PRDM16: variants seen among roughly 807,000 people sequenced by gnomAD.
The protein encoded by PRDM16 is PR/SET domain 16.
PRDM16 carries 23 observed loss-of-function variants against 110.6 expected under a neutral mutation model. The ratio of observed to expected loss-of-function variants is 0.21; its 90% CI spans 0.15 to 0.29. The LOEUF is 0.29. PRDM16 is among the 10% of genes least tolerant of loss of function. The probability of loss-of-function intolerance (pLI) is 1.00; values close to 1 mark genes in which losing one functional copy is unlikely to be tolerated. For missense variants in PRDM16, 1,615 were observed against 1,794.3 expected (o/e 0.90, Z 1.81); for synonymous variants, 799 against 781.8 (o/e 1.02, Z -0.37).
chr1:3,151,172 T>G (rs916803331), intron 1 of PRDM16, among the ~76,000 whole-genome samples: 6 of 152,234 alleles, frequency 3.9e-5, no homozygotes, highest in African/African-American at 1.2e-4. Flanking sequence ...TACAACAAAT[T>G]GAGTCAGTGT....
At chr1:3,301,422 C>T (rs989991863) in intron 3 of PRDM16, among the ~76,000 whole-genome samples, 1 of 151,258 alleles carries the variant, frequency 6.6e-6, no homozygotes, top group Non-Finnish European at 1.5e-5. Context: ...CCAATAAATG[C>T]ATTTGTAGTT....
At chr1:3,220,382 T>C (rs1010718453) in intron 2 of PRDM16, among the ~76,000 whole-genome samples, 2 of 152,162 alleles carry the variant, frequency 1.3e-5, no homozygotes, top group Admixed American at 1.3e-4. Context: ...AGGAGCTACC[T>C]GCAGCCCTCC....
chr1:3,195,248 T>C (rs996418401), intron 2 of PRDM16, among the ~76,000 whole-genome samples: 1 of 152,194 alleles, frequency 6.6e-6, no homozygotes, highest in Non-Finnish European at 1.5e-5. Context: ...CAGCACAGGC[T>C]TCCCATGTCC....
chr1:3,181,873 C>T (rs1464462341), intron 1 of PRDM16, among the ~76,000 whole-genome samples: 1 of 99,326 alleles, frequency 1.0e-5, no homozygotes, highest in African/African-American at 3.4e-5. Context: ...GTCTTACACA[C>T]GGTCTTGCAC....
At chr1:3,409,739 TGTGTGTGTGGTGTGGGTGTGA>T (rs1356437902) in intron 8 of PRDM16, among the ~76,000 whole-genome samples, 6 of 128,440 alleles carry the variant, frequency 4.7e-5, no homozygotes, top group Admixed American at 3.1e-4. Context: ...GTAGTGTGGG[TGTGTGTGTGGTGTGGGTGTGA>T]GTGTGTGTGG....
chr1:3,362,814 C>G (rs566663317), intron 3 of PRDM16, among the ~76,000 whole-genome samples: 1 of 152,320 alleles, frequency 6.6e-6, no homozygotes, highest in Non-Finnish European at 1.5e-5. Flanking sequence ...TGACCTGCTC[C>G]AGGGAGCGTC....
intron 3 of PRDM16, among the ~76,000 whole-genome samples, chr1:3,381,876 G>A (rs542769887): frequency 3.3e-5 from 5 of 152,346 alleles, no homozygotes; most frequent in African/African-American, 1.2e-4. Flanking sequence ...AGGGGAGACA[G>A]AGAGGAAGAA....
At position 3,389,919 on chromosome 1, in the gene PRDM16, G is replaced by A. The variant is rs189913824; in HGVS notation, c.573+4633G>A. Among the ~76,000 whole-genome samples the A allele has an allele frequency of 3.8e-3, 574 of 151,330 alleles. 3 individuals carry two copies. The highest frequency in any genetic ancestry group is 0.012 in the African/African-American group (477 of 41,336). Reference sequence around the variant, plus strand: ...GAGCGGAAGGCACAGAGGGGCCCTCGGGAATCTCCATGCACTTTTCTGGGG... The same window carrying A: ...GAGCGGAAGGCACAGAGGGGCCCTCAGGAATCTCCATGCACTTTTCTGGGG... On this transcript the variant is annotated intron_variant, in intron 4 of 16. Coordinates refer to ENST00000270722, the MANE Select transcript of PRDM16 (RefSeq NM_022114.4).
In PRDM16 at chr1:3,330,429, C is replaced by T. The variant is rs569700951; in HGVS notation, c.439-54723C>T. Among the ~76,000 whole-genome samples the T allele has an allele frequency of 3.3e-5, 5 of 152,354 alleles. No homozygotes were observed. The East Asian group carries it at 9.6e-4, about 29-fold the overall frequency. ...TAAGAATGCAGGGACAAAATAATGC[C>T]AATGACAGTGGCCCTGAACAGAGAG... On this transcript the variant is annotated intron_variant, in intron 3 of 16. Transcript: ENST00000270722.
chr1:3,285,518 A>C (rs1449566300), intron 3 of PRDM16, among the ~76,000 whole-genome samples: 2 of 152,118 alleles, frequency 1.3e-5, no homozygotes, highest in Admixed American at 6.5e-5. Flanking sequence ...GGGAGCAGGC[A>C]TGCTCCCAGG....
intron 1 of PRDM16, among the ~76,000 whole-genome samples, chr1:3,141,735 T>G (rs1159977379): frequency 6.6e-6 from 1 of 152,216 alleles, no homozygotes; most frequent in Non-Finnish European, 1.5e-5. Flanking sequence ...GTCTTGATAT[T>G]TGAAGCAGAG....
At chr1:3,132,218 G>A (rs190682699) in intron 1 of PRDM16, among the ~76,000 whole-genome samples, 50 of 152,282 alleles carry the variant, frequency 3.3e-4, no homozygotes, top group African/African-American at 1.2e-3. Flanking sequence ...GCGGTGCCAC[G>A]GAGAGGAAAA....
At chr1:3,240,627 G>C (rs1396422405) in intron 2 of PRDM16, among the ~76,000 whole-genome samples, 1 of 152,150 alleles carries the variant, frequency 6.6e-6, no homozygotes, top group African/African-American at 2.4e-5. Flanking sequence ...TCCTTAGTTA[G>C]GTTCTCAGAT....
chr1:3,297,756 A>G (rs988395398), intron 3 of PRDM16, among the ~76,000 whole-genome samples: 1 of 152,168 alleles, frequency 6.6e-6, no homozygotes, highest in Non-Finnish European at 1.5e-5. Context: ...AACAGGGGAC[A>G]GGGAGGGAGT....
intron 3 of PRDM16, among the ~76,000 whole-genome samples, chr1:3,375,914 G>A (rs1030487779): frequency 5.3e-5 from 8 of 152,200 alleles, no homozygotes; most frequent in African/African-American, 1.7e-4. Flanking sequence ...GAACGAAGGA[G>A]AGAGAGAGAA....
rs114105264 is a variant in PRDM16 at position 3,386,435 on chromosome 1, C to T, written c.573+1149C>T. On this transcript the variant is annotated intron_variant, in intron 4 of 16. Transcript: ENST00000270722. ...CCCCGGCTGGCTGCCAGGGGCTCTC[C>T]CTCATTTGCCGTCCCCTTGGCTGTG... Among the ~76,000 whole-genome samples, 750 of 152,318 alleles carry T rather than the reference C, an allele frequency of 4.9e-3. 4 individuals are homozygous for T. Among genetic ancestry groups the T allele is most frequent in the African/African-American group, 0.017 (714 of 41,578 alleles).
At chr1:3,215,557 G>T (rs1004104506) in intron 2 of PRDM16, among the ~76,000 whole-genome samples, 1 of 152,050 alleles carries the variant, frequency 6.6e-6, no homozygotes, top group Non-Finnish European at 1.5e-5. Flanking sequence ...CAACCTGGCT[G>T]CAGCCCCACC....
intron 3 of PRDM16, among the ~76,000 whole-genome samples, chr1:3,326,425 G>T (rs1641911349): frequency 6.6e-6 from 1 of 152,184 alleles, no homozygotes; most frequent in Non-Finnish European, 1.5e-5. Flanking sequence ...TGAATTTTAG[G>T]AGGAGCATGA....
At chr1:3,090,412 C>A (rs574804480) in intron 1 of PRDM16, among the ~76,000 whole-genome samples, 2 of 152,250 alleles carry the variant, frequency 1.3e-5, no homozygotes, top group South Asian at 4.1e-4. Flanking sequence ...GGCCGCCGTT[C>A]GGCAGGCCTG....
Sources: allele counts gnomAD v4.1 joint callset (sites outside exome capture counted in the v4.1 genomes callset), GRCh38; gene constraint gnomAD v4.1.1; transcripts MANE v1.5; gene names NCBI Gene and HGNC (gene_info 2026-07-23, HGNC 2026-07-21).